DAB1: variants seen among roughly 807,000 people sequenced by gnomAD.
The protein encoded by DAB1 is disabled homolog 1.
Under a neutral mutation model 64.6 loss-of-function variants are expected in DAB1, and 15 were observed. The observed-to-expected ratio is 0.23, with a 90% CI of 0.16 to 0.36. The LOEUF is 0.36. Among genes scored for constraint, DAB1 ranks in the 10% least tolerant of loss-of-function variants. DAB1 has a pLI of 1.00. For synonymous variants in DAB1, 235 were observed against 251.9 expected, an observed-to-expected ratio of 0.93 and a Z score of 0.64; for missense variants, 596 against 706.7, an observed-to-expected ratio of 0.84 and a Z score of 1.78.
chr1:58,026,638 C>G (rs1646899484), intron 5 of DAB1, among the ~76,000 whole-genome samples: 2 of 152,216 alleles, frequency 1.3e-5, no homozygotes, highest in African/African-American at 2.4e-5. Flanking sequence ...GAAGAATCCT[C>G]AAGCTAACTT....
At chr1:57,809,845 C>T (rs555066810) in intron 6 of DAB1, among the ~76,000 whole-genome samples, 1 of 152,142 alleles carries the variant, frequency 6.6e-6, no homozygotes, top group Admixed American at 6.5e-5. Context: ...ATGACTAGAA[C>T]ATCCGTGTTT....
At chr1:57,735,984 A>C (rs1437756319) in intron 6 of DAB1, among the ~76,000 whole-genome samples, 1 of 152,204 alleles carries the variant, frequency 6.6e-6, no homozygotes. Flanking sequence ...CCAAGTCCTC[A>C]AGGAATTTCA....
intron 4 of DAB1, among the ~76,000 whole-genome samples, chr1:58,281,338 A>C (rs1412238869): frequency 3.3e-5 from 5 of 151,874 alleles, no homozygotes; most frequent in Admixed American, 3.3e-4. Flanking sequence ...CGAAGCCTGA[A>C]ACCTGGGATT....
intron 1 of DAB1, among the ~76,000 whole-genome samples, chr1:57,382,196 T>G (rs1430705745): frequency 1.3e-5 from 2 of 152,104 alleles, no homozygotes; most frequent in African/African-American, 4.8e-5. Flanking sequence ...ACCAACACAC[T>G]CTCACCCAAC....
At chr1:57,092,948 A>T (rs1386269770) in intron 4 of DAB1, among the ~76,000 whole-genome samples, 1 of 152,164 alleles carries the variant, frequency 6.6e-6, no homozygotes, top group Non-Finnish European at 1.5e-5. Flanking sequence ...TTTCTTGATC[A>T]GGAAAGGTGT....
At chr1:57,367,535 A>G (rs1340647641) in intron 1 of DAB1, among the ~76,000 whole-genome samples, 3 of 152,190 alleles carry the variant, frequency 2.0e-5, no homozygotes, top group Admixed American at 2.0e-4. Flanking sequence ...CAAAGGGCAA[A>G]TGCTCCCAAA....
intron 6 of DAB1, among the ~76,000 whole-genome samples, chr1:57,651,138 T>C (rs1223376547): frequency 6.6e-6 from 1 of 151,804 alleles, no homozygotes; most frequent in Admixed American, 6.6e-5. Context: ...CAGCAATTTT[T>C]CAGAGCAGTC....
chr1:57,341,870 C>T (rs1399615870), intron 1 of DAB1, among the ~76,000 whole-genome samples: 2 of 152,194 alleles, frequency 1.3e-5, no homozygotes, highest in Admixed American at 6.5e-5. Flanking sequence ...AGACAGCACG[C>T]TGTACAGTGA....
chr1:58,164,189 T>TAAAAA (rs71691727), intron 4 of DAB1, among the ~76,000 whole-genome samples: 4 of 115,470 alleles, frequency 3.5e-5, no homozygotes, highest in Non-Finnish European at 3.6e-5. Flanking sequence ...GAGCTCAGCT[T>TAAAAA]AAAAAAAAAA....
chr1:58,104,675 C>G (rs1651530764), intron 5 of DAB1, among the ~76,000 whole-genome samples: 1 of 152,092 alleles, frequency 6.6e-6, no homozygotes, highest in Admixed American at 6.5e-5. Context: ...ATATTTAAAT[C>G]CATTGGAGGG....
At chr1:57,071,320 T>C in intron 6 of DAB1, 1 of 696,290 alleles carries the variant, frequency 1.4e-6, no homozygotes, top group African/African-American at 1.8e-5. Flanking sequence ...ATTCGAGATT[T>C]CACTTCATCT....
At chr1:58,255,790 G>A (rs1027869390) in intron 4 of DAB1, among the ~76,000 whole-genome samples, 3 of 152,152 alleles carry the variant, frequency 2.0e-5, no homozygotes, top group African/African-American at 7.2e-5. Context: ...GGCATCTAAT[G>A]TGGTGACAGA....
chr1:58,375,837 T>C (rs1026809283), intron 3 of DAB1, among the ~76,000 whole-genome samples: 4 of 146,512 alleles, frequency 2.7e-5, no homozygotes, highest in African/African-American at 1.0e-4. Context: ...TGGTAAACTA[T>C]TGATTATTGC....
intron 7 of DAB1, among the ~76,000 whole-genome samples, chr1:57,594,483 T>G (rs1363299183): frequency 6.6e-6 from 1 of 152,058 alleles, no homozygotes; most frequent in Admixed American, 6.5e-5. Flanking sequence ...GTGCCCCCAT[T>G]TGAAAAGCAG....
At chr1:57,071,250 T>C (rs1446318272) in intron 6 of DAB1, 189 bp from the exon 7 acceptor site, 1 of 664,226 alleles carries the variant, frequency 1.5e-6, no homozygotes, top group African/African-American at 1.8e-5. Flanking sequence ...ACCCGCACTG[T>C]TAACAACAGC....
intron 4 of DAB1, among the ~76,000 whole-genome samples, chr1:58,220,357 G>A (rs760468365): frequency 5.9e-5 from 9 of 152,088 alleles, no homozygotes; most frequent in Non-Finnish European, 8.8e-5. Context: ...TGAAGAAAGC[G>A]CCCCAGGTGT....
intron 1 of DAB1, among the ~76,000 whole-genome samples, chr1:57,407,783 T>TGTGTG (rs1683770102): frequency 1.1e-5 from 1 of 94,784 alleles, no homozygotes; most frequent in Non-Finnish European, 3.1e-5. Context: ...TGTGTGTGTG[T>TGTGTG]GTGTGTGTGT....
chr1:57,252,421 G>A (rs533020655), intron 2 of DAB1, among the ~76,000 whole-genome samples: 1 of 152,150 alleles, frequency 6.6e-6, no homozygotes, highest in African/African-American at 2.4e-5. Context: ...CTATTTCAAG[G>A]AGACTGTAAA....
intron 5 of DAB1, among the ~76,000 whole-genome samples, chr1:57,936,810 CA>C (rs1323732691): frequency 6.6e-6 from 1 of 152,084 alleles, no homozygotes; most frequent in Non-Finnish European, 1.5e-5. Context: ...TAATTAAATA[CA>C]AACTTTCTGT....
Sources: allele counts gnomAD v4.1 joint callset (sites outside exome capture counted in the v4.1 genomes callset), GRCh38; gene constraint gnomAD v4.1.1; transcripts MANE v1.5; gene names NCBI Gene and HGNC (gene_info 2026-07-23, HGNC 2026-07-21).